Variants in DTD1 observed in about 807,000 individuals in gnomAD.
The protein encoded by DTD1 is D-aminoacyl-tRNA deacylase 1.
DTD1 carries 13 observed loss-of-function variants against 25.6 expected under a neutral mutation model. The ratio of observed to expected loss-of-function variants is 0.51; its 90% CI spans 0.33 to 0.81. The LOEUF (loss-of-function observed/expected upper bound fraction) is 0.81. DTD1 is among the 30% of genes least tolerant of loss of function. The pLI is 0.02. For missense variants in DTD1, 193 were observed against 266.4 expected, an observed-to-expected ratio of 0.72 and a Z score of 1.92; for synonymous variants, 110 against 103.6, an observed-to-expected ratio of 1.06 and a Z score of -0.37.
At chr20:18,683,591 G>A (rs1404521072) in intron 4 of DTD1, among the ~76,000 whole-genome samples, 1 of 152,150 alleles carries the variant, frequency 6.6e-6, no homozygotes, top group Non-Finnish European at 1.5e-5. Flanking sequence ...CTGTGTAAGT[G>A]CAGGTTGAAG....
intron 4 of DTD1, among the ~76,000 whole-genome samples, chr20:18,656,566 C>A (rs1008348722): frequency 3.9e-5 from 6 of 152,198 alleles, no homozygotes; most frequent in African/African-American, 1.4e-4. Flanking sequence ...TGGCAGGTAA[C>A]ACGAAGGAGC....
intron 1 of DTD1, among the ~76,000 whole-genome samples, chr20:18,590,726 G>A (rs937777245): frequency 6.6e-6 from 1 of 152,154 alleles, no homozygotes; most frequent in Non-Finnish European, 1.5e-5. Context: ...GCCTGCCTCG[G>A]CTTCCCAAAG....
intron 4 of DTD1, among the ~76,000 whole-genome samples, chr20:18,738,651 A>C (rs1321464838): frequency 6.6e-6 from 1 of 152,214 alleles, no homozygotes. Context: ...GACCCTCTGC[A>C]GTCCCCTCAG....
intron 5 of DTD1, among the ~76,000 whole-genome samples, chr20:18,757,900 C>T (rs2061345692): frequency 6.6e-6 from 1 of 152,170 alleles, no homozygotes; most frequent in Non-Finnish European, 1.5e-5. Context: ...CCATCTGGTC[C>T]TGGACTTTTT....
In DTD1 at chr20:18,722,715, A is replaced by G. The variant is rs118109802; in HGVS notation, c.478-21385A>G. 7.8e-3 allele frequency among the ~76,000 whole-genome samples: 1,186 copies of G among 152,306 alleles called. 8 individuals are homozygous for G. Among genetic ancestry groups the G allele is most frequent in the Non-Finnish European group, 0.012 (848 of 68,026 alleles). On this transcript the variant is annotated intron_variant, in intron 4 of 5. Transcript: ENST00000377452. ...TGAGTAAAATAAGAGACATCATAGC[A>G]GGTAGGTGGACCTGCTGGGACTGCA...
rs555342099 is a variant in DTD1, at chr20:18,705,394, C to T, written c.478-38706C>T. 1.5e-3 allele frequency among the ~76,000 whole-genome samples: 236 copies of T among 152,260 alleles called. 1 individual carries two copies. The highest frequency in any genetic ancestry group is 2.2e-3 in the Non-Finnish European group (152 of 68,024). ...CCACTTGCATCCCCACAGCAACTCC[C>T]GCCCCTGCCTGTACCCTTTCTCACA... On this transcript the variant is annotated intron_variant, in intron 4 of 5. Coordinates refer to ENST00000377452, the MANE Select transcript of DTD1 (RefSeq NM_080820.6).
At chr20:18,672,927 C>T (rs1053097805) in intron 4 of DTD1, among the ~76,000 whole-genome samples, 7 of 152,170 alleles carry the variant, frequency 4.6e-5, no homozygotes, top group East Asian at 1.9e-4. Context: ...TAGAAGTCTC[C>T]GGCTTCTGAG....
Position 18,659,357 on chromosome 20 carries a change from C to T in DTD1, c.477+31124C>T, listed in dbSNP as rs897599814. Among the ~76,000 whole-genome samples, 5 of 152,084 alleles carry T rather than the reference C, an allele frequency of 3.3e-5. No individual in the cohort carries two copies. In the East Asian group the frequency reaches 5.8e-4, roughly 18 times the overall value. On this transcript the variant is annotated intron_variant, in intron 4 of 5. Transcript: ENST00000377452. Reference sequence around the variant, plus strand: ...TGGAAGGGGACTCTCCCATTCTCCTCGATTTGCAGACTCTTTCCTCCCTCC... The same window carrying T: ...TGGAAGGGGACTCTCCCATTCTCCTTGATTTGCAGACTCTTTCCTCCCTCC...
chr20:18,609,006 ATTTTT>A lies in DTD1; in HGVS notation c.370+12771_370+12775del, dbSNP rs557594213. 5.3e-4 allele frequency among the ~76,000 whole-genome samples: 80 copies of A among 151,372 alleles called. 1 individual carries two copies. The South Asian group carries it at 0.013, about 25-fold the overall frequency. On this transcript the variant is annotated intron_variant, in intron 3 of 5. Coordinates refer to ENST00000377452, the MANE Select transcript of DTD1 (RefSeq NM_080820.6). The stretch of plus-strand genomic sequence containing the variant: ...TCATGGAGAAATACATAAGAAAAAA[ATTTTT>A]TTTTTAAATTAGAAAACATAGCCTC...
chr20:18,661,443 C>T (rs2060909900), intron 4 of DTD1, among the ~76,000 whole-genome samples: 1 of 146,950 alleles, frequency 6.8e-6, no homozygotes, highest in South Asian at 2.2e-4. Flanking sequence ...GCGATCTCAG[C>T]TCACTGCAAG....
At chr20:18,734,381 G>T (rs1325800211) in intron 4 of DTD1, among the ~76,000 whole-genome samples, 1 of 152,206 alleles carries the variant, frequency 6.6e-6, no homozygotes, top group Non-Finnish European at 1.5e-5. Flanking sequence ...TCATTGGGCT[G>T]GCCAGTGGTG....
chr20:18,623,083 G>T (rs2060742322), intron 3 of DTD1, among the ~76,000 whole-genome samples: 1 of 151,968 alleles, frequency 6.6e-6, no homozygotes. Context: ...GGGAGTACAG[G>T]CGTATGCCAC....
intron 4 of DTD1, among the ~76,000 whole-genome samples, chr20:18,639,394 C>G (rs1344918930): frequency 6.6e-6 from 1 of 152,088 alleles, no homozygotes; most frequent in Non-Finnish European, 1.5e-5. Flanking sequence ...TTCTAAATGT[C>G]TGTCATAGGA....
intron 3 of DTD1, among the ~76,000 whole-genome samples, chr20:18,617,217 A>G (rs562101297): frequency 1.2e-4 from 18 of 152,180 alleles, no homozygotes; most frequent in African/African-American, 3.6e-4. Flanking sequence ...CCAAGTAAGT[A>G]AGGTGACTTG....
chr20:18,693,688 G>T (rs1382091259), intron 4 of DTD1, among the ~76,000 whole-genome samples: 1 of 151,700 alleles, frequency 6.6e-6, no homozygotes, highest in African/African-American at 2.4e-5. Flanking sequence ...CTTCCGCATG[G>T]ATCACACTTA....
At chr20:18,718,922 C>A (rs2061192277) in intron 4 of DTD1, among the ~76,000 whole-genome samples, 1 of 152,218 alleles carries the variant, frequency 6.6e-6, no homozygotes, top group Non-Finnish European at 1.5e-5. Flanking sequence ...ACTTGCCACA[C>A]CTTCTGCCCT....
intron 4 of DTD1, among the ~76,000 whole-genome samples, chr20:18,694,243 A>G (rs2061061040): frequency 6.6e-6 from 1 of 152,230 alleles, no homozygotes; most frequent in Admixed American, 6.5e-5. Flanking sequence ...CATAAATGTC[A>G]GTACCGCAGT....
chr20:18,617,953 C>CCATAGCCT, intron 3 of DTD1, among the ~76,000 whole-genome samples: 1 of 152,188 alleles, frequency 6.6e-6, no homozygotes, highest in East Asian at 1.9e-4. Context: ...TGTGGCAGGA[C>CCATAGCCT]CATAGCCTGG....
intron 3 of DTD1, among the ~76,000 whole-genome samples, chr20:18,598,274 C>T (rs908155215): frequency 4.6e-5 from 7 of 152,046 alleles, no homozygotes; most frequent in Non-Finnish European, 8.8e-5. Flanking sequence ...TGATGGTTTC[C>T]AGCTTCATCC....
Sources: gnomAD v4.1 joint callset for allele counts (sites outside exome capture counted in the v4.1 genomes callset) on GRCh38, gnomAD v4.1.1 for gene constraint, MANE v1.5 for transcripts, NCBI Gene and HGNC (gene_info 2026-07-23, HGNC 2026-07-21) for gene names.